The following SETX variants were observed in gnomAD, a reference collection of about 807,000 sequenced individuals.
The protein encoded by SETX is helicase senataxin.
Under a neutral mutation model 227.2 loss-of-function variants are expected in SETX, and 90 were observed. That is an observed-to-expected ratio of 0.40 (90% CI 0.33 to 0.47). The LOEUF (loss-of-function observed/expected upper bound fraction) is 0.47. Among genes scored for constraint, SETX ranks in the 20% least tolerant of loss-of-function variants. SETX has a pLI of 0.91. For synonymous variants in SETX, 1,210 were observed against 1,113.2 expected, an observed-to-expected ratio of 1.09 and a Z score of -1.73; for missense variants, 3,052 against 3,181.5, an observed-to-expected ratio of 0.96 and a Z score of 0.98.
chr9:132,325,172 T>C (rs546367124), intron 10 of SETX, among the ~76,000 whole-genome samples: 187 of 151,978 alleles, frequency 1.2e-3, no homozygotes, highest in African/African-American at 4.1e-3. Context: ...CTGGCTAACA[T>C]GGTGAAACCC....
intron 11 of SETX, among the ~76,000 whole-genome samples, chr9:132,307,994 C>T (rs550624178): frequency 2.4e-4 from 37 of 152,142 alleles, no homozygotes; most frequent in African/African-American, 8.7e-4. Flanking sequence ...GAATTAAACT[C>T]GTTATTCTGA....
chr9:132,276,571 CTCT>C (rs1314501208), intron 22 of SETX, among the ~76,000 whole-genome samples: 6 of 152,230 alleles, frequency 3.9e-5, no homozygotes, highest in Non-Finnish European at 7.3e-5. Context: ...TCCCCAGCTC[CTCT>C]GACATTGCTG....
In SETX at chr9:132,281,539, T is replaced by C; in HGVS notation, c.6582A>G (p.Pro2194=). The C allele has an allele frequency of 6.2e-7, 1 of 1,613,856 alleles. No homozygotes were observed. The highest frequency in any genetic ancestry group is 1.1e-5 in the South Asian group (1 of 91,076). Residue 2194 remains proline, a synonymous_variant, in exon 20 of 26, where the codon CCA becomes CCG. Transcript: ENST00000224140. ...GQSCEIETLT[P]LIHRCNKLIL... Reference sequence around the variant, plus strand: ...TGAGCTTATTGCAGCGATGGATGAGTGGAGTAAGAGTCTCAATTTCACAAG... The same window carrying C: ...TGAGCTTATTGCAGCGATGGATGAGCGGAGTAAGAGTCTCAATTTCACAAG...
At chr9:132,286,321 AAAAT>A (rs1409738877) in intron 18 of SETX, 98 bp downstream of exon 18, 24 of 883,716 alleles carry the variant, frequency 2.7e-5, no homozygotes, top group Middle Eastern at 3.3e-4. Flanking sequence ...CTCTGTCTCC[AAAAT>A]AAATAAATAA....
At chr9:132,273,442 C>G (rs1842994028) in intron 23 of SETX, among the ~76,000 whole-genome samples, 1 of 152,226 alleles carries the variant, frequency 6.6e-6, no homozygotes, top group South Asian at 2.1e-4. Context: ...GGATTACAGG[C>G]ATGAGCCACT....
chr9:132,336,474 T>C lies in SETX; in HGVS notation c.540A>G (p.Lys180=), dbSNP rs757470639. 132 of 1,614,040 alleles carry C rather than the reference T, an allele frequency of 8.2e-5. No homozygotes were observed. The highest frequency in any genetic ancestry group is 1.1e-4 in the Non-Finnish European group (128 of 1,180,010). ...WAILTARNLG[K]VDRDDYYDLQ... ...AGTCATAATAATCATCTCTGTCCAC[T>C]TTCCCCAAGTTTCTTGCAGTCAAGA... The change falls in exon 6 of 26, where the codon AAA becomes AAG. Residue 180 remains lysine, a synonymous_variant. Coordinates refer to ENST00000224140, the MANE Select transcript of SETX (RefSeq NM_015046.7).
intron 15 of SETX, among the ~76,000 whole-genome samples, chr9:132,289,594 A>G (rs1844162796): frequency 6.6e-6 from 1 of 152,178 alleles, no homozygotes; most frequent in African/African-American, 2.4e-5. Context: ...GAATATTTCA[A>G]AAACTTTTAT....
At chr9:132,277,213 G>C (rs1843212641) in intron 21 of SETX, 61 bp from the exon 22 acceptor site, 2 of 1,475,292 alleles carry the variant, frequency 1.4e-6, no homozygotes, top group East Asian at 2.3e-5. Context: ...AAAATATCTT[G>C]GTATTACTAC....
At chr9:132,326,277 G>C (rs746708769) in intron 10 of SETX, 47 bp downstream of exon 10, 1 of 1,397,472 alleles carries the variant, frequency 7.2e-7, no homozygotes, top group Non-Finnish European at 1.0e-6. Flanking sequence ...AGGTAAAGAG[G>C]TAACTTGAAA....
intron 20 of SETX, among the ~76,000 whole-genome samples, chr9:132,279,421 G>A (rs7041502): frequency 0.44 from 66,978 of 151,550 alleles, 17,933 homozygotes; most frequent in African/African-American, 0.75. Flanking sequence ...AATTAAAAAA[G>A]AAAAGTTTCA....
chr9:132,343,594 C>T (rs930590348), intron 4 of SETX, among the ~76,000 whole-genome samples: 4 of 152,064 alleles, frequency 2.6e-5, no homozygotes, highest in East Asian at 1.9e-4. Context: ...AAAATATTGT[C>T]GTTTTTTCAT....
At chr9:132,283,954 G>A (rs950415656) in intron 18 of SETX, among the ~76,000 whole-genome samples, 21 of 152,186 alleles carry the variant, frequency 1.4e-4, no homozygotes, top group African/African-American at 4.8e-4. Flanking sequence ...AGTGTGCTGT[G>A]ATGGAGCCGG....
Position 132,295,895 on chromosome 9 carries a change from C to G in SETX, c.6083G>C (p.Cys2028Ser). 3 of 1,613,782 alleles carry G rather than the reference C, an allele frequency of 1.9e-6. No homozygotes were observed. The highest frequency in any genetic ancestry group is 2.5e-6 in the Non-Finnish European group (3 of 1,179,748). ...ACCTAAAGGATTCTTCTTGTCTTTA[C>G]ATTTTTCTTTGAATTCAAGGATAAT... The part of the protein sequence containing the change: ...KKIILEFKEK[C>S]KDKKNPLGNC... Residue 2028 changes from cysteine to serine, a missense_variant, in exon 15 of 26, where the codon TGT becomes TCT. Cys to Ser is a moderately radical substitution (Grantham distance 112). This residue lies in a region of SETX where 412 missense variants were observed against 589.0 expected (regional missense o/e 0.70). Coordinates refer to ENST00000224140, the MANE Select transcript of SETX (RefSeq NM_015046.7).
At chr9:132,346,139 GTCCTAATTATATA>G (rs1234932742) in intron 4 of SETX, 109 bp downstream of exon 4, 5 of 786,878 alleles carry the variant, frequency 6.4e-6, no homozygotes, top group Non-Finnish European at 1.0e-5. Context: ...AAAAAATGAA[GTCCTAATTATATA>G]TCCTAATTAT....
intron 15 of SETX, among the ~76,000 whole-genome samples, chr9:132,295,095 T>C (rs948654919): frequency 1.3e-5 from 2 of 152,176 alleles, no homozygotes; most frequent in African/African-American, 4.8e-5. Context: ...ACAAGTGATA[T>C]GAAAAATAAG....
chr9:132,271,182 T>C lies in SETX; in HGVS notation c.7199+528A>G, dbSNP rs113190255. ...ACACTTTGACACATACCATGGGGAG[T>C]AATATGCCTCTGCAAAGTATAATCT... On this transcript the variant is annotated intron_variant, in intron 24 of 25. Transcript: ENST00000224140. Among the ~76,000 whole-genome samples, 551 of 152,070 alleles carry C rather than the reference T, an allele frequency of 3.6e-3. 3 individuals carry two copies. The highest frequency in any genetic ancestry group is 0.013 in the African/African-American group (526 of 41,460).
At chr9:132,284,775 C>A (rs935014615) in intron 18 of SETX, among the ~76,000 whole-genome samples, 5 of 152,186 alleles carry the variant, frequency 3.3e-5, no homozygotes, top group Non-Finnish European at 7.3e-5. Context: ...CTACTTCTAT[C>A]CAGGTTGGAG....
upstream of SETX, among the ~76,000 whole-genome samples, chr9:132,356,614 TAA>T (rs1231490134): frequency 6.6e-6 from 1 of 151,982 alleles, no homozygotes; most frequent in African/African-American, 2.4e-5. Flanking sequence ...ACTCAGGCGA[TAA>T]AAAAAGAGGC....
At position 132,283,380 on chromosome 9, in the gene SETX, T is replaced by C; in HGVS notation, c.6430A>G (p.Ile2144Val). The change falls in exon 19 of 26, where the codon ATC (isoleucine) becomes GTC (valine). Residue 2144 changes from isoleucine to valine, a missense_variant. Transcript: ENST00000224140. The part of the protein sequence containing the change: ...QGRPQKTQSI[I>V]ILESHIICCT... ...CAGATGATATGGGACTCTAAGATGATGATACTCTGTGTTTTCTGTGGGCGT... is the reference window on the plus strand; with the variant it reads ...CAGATGATATGGGACTCTAAGATGACGATACTCTGTGTTTTCTGTGGGCGT... The C allele has an allele frequency of 2.5e-6, 4 of 1,614,214 alleles. No homozygotes were observed. The highest frequency in any genetic ancestry group is 3.4e-6 in the Non-Finnish European group (4 of 1,180,040).
Sources: gnomAD v4.1 joint callset for allele counts (sites outside exome capture counted in the v4.1 genomes callset) on GRCh38, gnomAD v4.1.1 for gene constraint, gnomAD v4.1.1 regional missense constraint, MANE v1.5 for transcripts, NCBI Gene and HGNC (gene_info 2026-07-23, HGNC 2026-07-21) for gene names.